Variants in ZEB2 observed in about 807,000 individuals in gnomAD.
ZEB2 encodes the protein zinc finger E-box binding homeobox 2, also known as zinc finger E-box-binding homeobox 2.
ZEB2 carries 6 observed loss-of-function variants against 99.9 expected under a neutral mutation model. The ratio of observed to expected loss-of-function variants is 0.06; its 90% CI spans 0.03 to 0.12. ZEB2 has a LOEUF of 0.12. Among genes scored for constraint, ZEB2 ranks in the 10% least tolerant of loss-of-function variants. The probability of loss-of-function intolerance (pLI) is 1.00; values close to 1 mark genes in which losing one functional copy is unlikely to be tolerated. For synonymous variants in ZEB2, 517 were observed against 542.5 expected, an observed-to-expected ratio of 0.95 and a Z score of 0.65; for missense variants, 969 against 1,502.8, an observed-to-expected ratio of 0.64 and a Z score of 5.87.
At position 144,425,239 on chromosome 2, in the gene ZEB2, A is replaced by T. The variant is rs1231731742; in HGVS notation, c.332-372T>A. The stretch of plus-strand genomic sequence containing the variant: ...GCATGCTGGCTGCTATGCCTCTGGA[A>T]ACTCTGGATGCTTAGTGGCAAGTCA... On this transcript the variant is annotated intron_variant, in intron 3 of 9. Coordinates refer to ENST00000627532, the MANE Select transcript of ZEB2 (RefSeq NM_014795.4). Among the ~76,000 whole-genome samples, 5 of 152,332 alleles carry T rather than the reference A, an allele frequency of 3.3e-5. No individual in the cohort carries two copies. The East Asian group carries it at 9.6e-4, about 29-fold the overall frequency.
At position 144,406,572 on chromosome 2, in the gene ZEB2, G is replaced by C. The variant is rs144609770; in HGVS notation, c.404-1548C>G. Among the ~76,000 whole-genome samples, 29 of 152,040 alleles carry C rather than the reference G, an allele frequency of 1.9e-4. No homozygotes were observed. In the East Asian group the frequency reaches 5.2e-3, roughly 27 times the overall value. On this transcript the variant is annotated intron_variant, in intron 4 of 9. Coordinates refer to ENST00000627532, the MANE Select transcript of ZEB2 (RefSeq NM_014795.4). ...CTGAAACAAGCATGGGACATCTCAG[G>C]ATGTTAAAAAAAAAGGACAGTGCTG...
intron 2 of ZEB2, among the ~76,000 whole-genome samples, chr2:144,501,834 A>C (rs1279831780): frequency 6.6e-6 from 1 of 152,230 alleles, no homozygotes; most frequent in Non-Finnish European, 1.5e-5. Context: ...GGGATTGGAC[A>C]AAATTTTCTC....
intron 2 of ZEB2, among the ~76,000 whole-genome samples, chr2:144,501,724 T>C (rs770602206): frequency 3.9e-5 from 6 of 152,122 alleles, no homozygotes; most frequent in Non-Finnish European, 7.4e-5. Context: ...ATGCCAAAAT[T>C]CACTTTATAT....
intron 2 of ZEB2, among the ~76,000 whole-genome samples, chr2:144,493,337 T>A (rs1704709283): frequency 6.6e-6 from 1 of 152,218 alleles, no homozygotes; most frequent in Non-Finnish European, 1.5e-5. Flanking sequence ...CCAGACACTG[T>A]CTTTAGAATT....
At position 144,492,013 on chromosome 2, in the gene ZEB2, C is replaced by A. The variant is rs1704687653; in HGVS notation, c.73+25265G>T. ...CTAACCAATCCACACAGTTGTGTGG[C>A]AAACGTATAGTCAAGAGACCTTGTG... is the stretch of plus-strand genomic sequence containing the variant. On this transcript the variant is annotated intron_variant, in intron 2 of 9. Transcript: ENST00000627532. Among the ~76,000 whole-genome samples the A allele has an allele frequency of 2.0e-5, 3 of 152,190 alleles. No homozygotes were observed. In the South Asian group the frequency reaches 6.2e-4, roughly 32 times the overall value.
intron 1 of ZEB2, chr2:144,519,011 T>C (rs1166137193): frequency 6.6e-6 from 1 of 152,150 alleles, no homozygotes; most frequent in Admixed American, 6.5e-5. Flanking sequence ...AATATATCAG[T>C]AGGTGGGAGA....
At chr2:144,462,904 G>C (rs1280116049) in intron 2 of ZEB2, 2 of 152,178 alleles carry the variant, frequency 1.3e-5, no homozygotes, top group Non-Finnish European at 2.9e-5. Flanking sequence ...CCAGGACCAA[G>C]ATCAGTTTAT....
chr2:144,409,375 G>C (rs1703428202), intron 4 of ZEB2, among the ~76,000 whole-genome samples: 1 of 152,148 alleles, frequency 6.6e-6, no homozygotes, highest in South Asian at 2.1e-4. Context: ...ACACAGGAAT[G>C]AGGTACAAAA....
chr2:144,404,919 C>T lies in ZEB2; in HGVS notation c.509G>A (p.Ser170Asn). 1 of 1,614,268 alleles carries T rather than the reference C, an allele frequency of 6.2e-7. No homozygotes were observed. The highest frequency in any genetic ancestry group is 2.2e-5 in the East Asian group (1 of 44,894). The change falls in exon 5 of 10, where the codon AGT becomes AAT. Residue 170 changes from serine to asparagine, a missense_variant. Transcript: ENST00000627532. ...AVSIEEYLQR[S>N]DTAIIYPEAP... ...TTCTGGGTAAATAATGGCTGTGTCA[C>T]TGCGCTGAAGGTACTCCTCGATGCT...
chr2:144,404,326 A>C (rs1703352960), intron 5 of ZEB2, among the ~76,000 whole-genome samples, 196 bp from the exon 6 acceptor site: 1 of 127,516 alleles, frequency 7.8e-6, no homozygotes, highest in Non-Finnish European at 1.6e-5. Context: ...ATCAGCTCAC[A>C]CTGTGCTCAA....
chr2:144,410,228 A>G (rs1368584137), intron 4 of ZEB2, among the ~76,000 whole-genome samples: 1 of 152,224 alleles, frequency 6.6e-6, no homozygotes, highest in Non-Finnish European at 1.5e-5. Context: ...AATGTTAATT[A>G]AAAATGTTTC....
At chr2:144,474,035 G>A (rs1451701351) in intron 2 of ZEB2, among the ~76,000 whole-genome samples, 1 of 152,094 alleles carries the variant, frequency 6.6e-6, no homozygotes, top group African/African-American at 2.4e-5. Context: ...CTAATCCTGG[G>A]TCATCGTTTG....
At chr2:144,492,744 T>G (rs1219364748) in intron 2 of ZEB2, among the ~76,000 whole-genome samples, 1 of 152,174 alleles carries the variant, frequency 6.6e-6, no homozygotes, top group Non-Finnish European at 1.5e-5. Context: ...GTATTCAAAA[T>G]AACATAGCTG....
At chr2:144,396,705 G>A (rs976039310) in intron 8 of ZEB2, 113 bp from the exon 9 acceptor site, 47 of 1,145,260 alleles carry the variant, frequency 4.1e-5, no homozygotes, top group Non-Finnish European at 5.2e-5. Context: ...CTAATTGATT[G>A]AGTTAAACAT....
intron 4 of ZEB2, among the ~76,000 whole-genome samples, chr2:144,413,960 T>C (rs1189612399): frequency 1.3e-5 from 2 of 152,196 alleles, no homozygotes; most frequent in South Asian, 2.1e-4. Context: ...TTTCCCCCAC[T>C]TTCCCCTATG....
At chr2:144,447,944 T>A (rs1157522124) in intron 2 of ZEB2, among the ~76,000 whole-genome samples, 2 of 152,234 alleles carry the variant, frequency 1.3e-5, no homozygotes, top group African/African-American at 4.8e-5. Context: ...TTATCTAACC[T>A]GCCTCCATGT....
rs730881195 is a variant in ZEB2 at position 144,399,506 on chromosome 2, T to C, written c.1681A>G (p.Thr561Ala). Residue 561 changes from threonine to alanine, a missense_variant, in exon 8 of 10, where the codon ACT becomes GCT. Physicochemically the swap from Thr to Ala is moderately conservative, Grantham distance 58 (BLOSUM62 0). Around this residue, in one of 8 missense-constraint regions of ZEB2, gnomAD observed 227 missense variants for 278.2 expected, o/e 0.82. Coordinates refer to ENST00000627532, the MANE Select transcript of ZEB2 (RefSeq NM_014795.4). The surrounding 1 kb of genome is among the most constrained non-coding windows in gnomAD (Gnocchi z 5.6). ...ISNIKKEKLR[T>A]LIDLVTDDKM... is the part of the protein sequence containing the mutation. ...TCATCAGTGACCAAATCTATTAAAG[T>C]ACGTAGCTTCTCTTTCTTTATATTA... The C allele has an allele frequency of 1.2e-6, 2 of 1,614,238 alleles. No individual in the cohort carries two copies. Among genetic ancestry groups the C allele is most frequent in the Non-Finnish European group, 1.7e-6 (2 of 1,180,036 alleles).
chr2:144,426,867 T>C (rs1179009128), intron 3 of ZEB2: 1 of 152,146 alleles, frequency 6.6e-6, no homozygotes, highest in African/African-American at 2.4e-5. Context: ...CCTTTTCAGG[T>C]ATGTATTTGA....
At chr2:144,484,897 G>A (rs923055498) in intron 2 of ZEB2, among the ~76,000 whole-genome samples, 11 of 151,790 alleles carry the variant, frequency 7.2e-5, no homozygotes, top group African/African-American at 2.7e-4. Context: ...ACCAAAGAAC[G>A]TGGAGTTCAG....
Sources: gnomAD v4.1 joint callset for allele counts (sites outside exome capture counted in the v4.1 genomes callset) on GRCh38, gnomAD v4.1.1 for gene constraint, gnomAD v4.1.1 regional missense constraint, Gnocchi (gnomAD v3.1) non-coding constraint, MANE v1.5 for transcripts, NCBI Gene and HGNC (gene_info 2026-07-23, HGNC 2026-07-21) for gene names.